Variants in SYT1 observed in about 807,000 individuals in gnomAD.
SYT1 encodes the protein synaptotagmin 1.
A neutral mutation model predicts 44.8 loss-of-function variants in SYT1; 8 were observed. The observed-to-expected ratio is 0.18, with a 90% CI of 0.10 to 0.32. The LOEUF (loss-of-function observed/expected upper bound fraction) is 0.32. Ranked by LOEUF, SYT1 falls within the 10% of genes least tolerant of loss-of-function variation. The pLI is 1.00. For synonymous variants in SYT1, 154 were observed against 188.8 expected (o/e 0.82, Z 1.51); for missense variants, 286 against 509.3 (o/e 0.56, Z 4.22).
At chr12:79,416,484 A>G (rs1476139259) in intron 9 of SYT1, among the ~76,000 whole-genome samples, 1 of 152,206 alleles carries the variant, frequency 6.6e-6, no homozygotes, top group Non-Finnish European at 1.5e-5. Context: ...GTTTATATTC[A>G]TATTATTGTA....
chr12:78,993,658 A>G (rs748157020), intron 2 of SYT1, among the ~76,000 whole-genome samples: 42 of 152,196 alleles, frequency 2.8e-4, no homozygotes, highest in Non-Finnish European at 5.9e-4. Flanking sequence ...GGCAAACAAA[A>G]TTTTTAAAAG....
chr12:79,379,625 A>G (rs1321252516), intron 9 of SYT1, among the ~76,000 whole-genome samples: 1 of 152,190 alleles, frequency 6.6e-6, no homozygotes, highest in South Asian at 2.1e-4. Flanking sequence ...TTTGATTTCA[A>G]ATAAACATCT....
At chr12:79,180,924 C>T (rs574274859) in intron 3 of SYT1, among the ~76,000 whole-genome samples, 2 of 152,150 alleles carry the variant, frequency 1.3e-5, no homozygotes, top group South Asian at 4.1e-4. Flanking sequence ...GGGCAGTTAC[C>T]TCCATGCTGT....
intron 8 of SYT1, among the ~76,000 whole-genome samples, chr12:79,336,577 C>T (rs946408671): frequency 6.6e-6 from 1 of 152,060 alleles, no homozygotes; most frequent in Admixed American, 6.6e-5. Flanking sequence ...CAAGCTAGAG[C>T]CAAAAGTAGA....
chr12:78,995,715 A>G lies in SYT1; in HGVS notation c.-84+17784A>G, dbSNP rs1870330338. On this transcript the variant is annotated intron_variant, in intron 2 of 10. Coordinates refer to ENST00000261205, the MANE Select transcript of SYT1 (RefSeq NM_005639.3). ...TCTACATCTGTTGGTTCCCCAAGGT[A>G]GATTATGCTGGGAAAATCTAATGGA... 2.0e-5 allele frequency: 3 copies of G among 152,206 alleles called. No homozygotes were observed. The South Asian group carries it at 6.2e-4, about 32-fold the overall frequency. The allele number at this position is 152,206 out of a possible 1,614,324, so 9.4% of individuals were successfully genotyped here.
intron 3 of SYT1, among the ~76,000 whole-genome samples, chr12:79,066,589 T>A (rs1230767636): frequency 6.6e-6 from 1 of 152,112 alleles, no homozygotes; most frequent in Admixed American, 6.6e-5. Context: ...GGCATTACCT[T>A]GCAGTAAATA....
At chr12:79,176,390 CTAA>C (rs1309745115) in intron 3 of SYT1, among the ~76,000 whole-genome samples, 5 of 151,812 alleles carry the variant, frequency 3.3e-5, no homozygotes, top group African/African-American at 1.2e-4. Flanking sequence ...AGCAAGAGAT[CTAA>C]TGTTACCCAG....
chr12:79,005,445 A>G (rs964108161), intron 2 of SYT1, among the ~76,000 whole-genome samples: 4 of 152,028 alleles, frequency 2.6e-5, no homozygotes, highest in Non-Finnish European at 4.4e-5. Flanking sequence ...TCACTCATCT[A>G]CAGTTTCCTT....
intron 3 of SYT1, among the ~76,000 whole-genome samples, chr12:79,097,387 AATAAT>A (rs1250104532): frequency 6.6e-6 from 1 of 152,010 alleles, no homozygotes; most frequent in African/African-American, 2.4e-5. Flanking sequence ...AAATAATTAA[AATAAT>A]ATATTGTCAT....
chr12:79,136,121 A>G (rs1869175356), intron 3 of SYT1, among the ~76,000 whole-genome samples: 5 of 152,224 alleles, frequency 3.3e-5, no homozygotes, highest in Admixed American at 3.3e-4. Context: ...TTTTAGATTT[A>G]ACATTTAGAT....
At chr12:79,348,067 C>G (rs1487316328) in intron 8 of SYT1, among the ~76,000 whole-genome samples, 2 of 151,954 alleles carry the variant, frequency 1.3e-5, no homozygotes, top group East Asian at 1.9e-4. Flanking sequence ...ATCTGGAGAA[C>G]AGTGGTAGGA....
intron 9 of SYT1, among the ~76,000 whole-genome samples, chr12:79,407,319 T>C (rs1565944958): frequency 6.6e-6 from 1 of 152,060 alleles, no homozygotes; most frequent in Non-Finnish European, 1.5e-5. Context: ...ATAAGAGTAG[T>C]CTCTTCCAGT....
chr12:78,940,443 G>T (rs1878287466), intron 1 of SYT1, among the ~76,000 whole-genome samples: 1 of 152,184 alleles, frequency 6.6e-6, no homozygotes, highest in South Asian at 2.1e-4. Context: ...AGTCTACAGT[G>T]CAGTGGCCCA....
rs1047858768 is a variant in SYT1, at chr12:79,069,283, C to T, written c.-18+21921C>T. Among the ~76,000 whole-genome samples, 30 of 152,160 alleles carry T rather than the reference C, an allele frequency of 2.0e-4. 1 individual carries two copies. Among genetic ancestry groups the T allele is most frequent in the Admixed American group, 1.9e-3 (29 of 15,262 alleles). On this transcript the variant is annotated intron_variant, in intron 3 of 10. Coordinates refer to ENST00000261205, the MANE Select transcript of SYT1 (RefSeq NM_005639.3). ...AGCAGCTAAAAACAAAACTTAAATC[C>T]ATAAGTAGACAAGTTAATCAGAAAC...
chr12:78,896,365 G>A (rs1484919674), intron 1 of SYT1, among the ~76,000 whole-genome samples: 4 of 151,704 alleles, frequency 2.6e-5, no homozygotes, highest in Non-Finnish European at 5.9e-5. Context: ...AAATAACTGG[G>A]AAGATGCCTT....
chr12:79,429,033 A>G (rs1255628374), intron 9 of SYT1, among the ~76,000 whole-genome samples: 1 of 152,046 alleles, frequency 6.6e-6, no homozygotes, highest in Non-Finnish European at 1.5e-5. Flanking sequence ...ATAGAGCAAG[A>G]ACTCACTCAT....
chr12:79,318,268 C>T (rs370200099), intron 8 of SYT1, among the ~76,000 whole-genome samples: 5 of 152,242 alleles, frequency 3.3e-5, no homozygotes, highest in East Asian at 3.9e-4. Flanking sequence ...TAATAGTCAC[C>T]GGGTGACCCG....
At chr12:78,977,000 A>T (rs1868886747) in intron 1 of SYT1, among the ~76,000 whole-genome samples, 1 of 152,152 alleles carries the variant, frequency 6.6e-6, no homozygotes, top group East Asian at 1.9e-4. Flanking sequence ...TATGGGGCAA[A>T]ATTTTTTGCA....
intron 1 of SYT1, chr12:78,868,765 GT>G (rs998320864): frequency 3.9e-5 from 6 of 151,938 alleles, no homozygotes; most frequent in Admixed American, 2.6e-4. Flanking sequence ...TTGGTTGAAA[GT>G]CTGGGAATAC....
Sources: allele counts gnomAD v4.1 joint callset (sites outside exome capture counted in the v4.1 genomes callset), GRCh38; gene constraint gnomAD v4.1.1; transcripts MANE v1.5; gene names NCBI Gene and HGNC (gene_info 2026-07-23, HGNC 2026-07-21).